DGKG: variants seen among roughly 807,000 people sequenced by gnomAD.
DGKG encodes the protein diacylglycerol kinase gamma.
DGKG carries 78 observed loss-of-function variants against 105.3 expected under a neutral mutation model. The observed-to-expected ratio is 0.74, with a 90% CI of 0.62 to 0.89. The LOEUF (loss-of-function observed/expected upper bound fraction) is 0.89, where lower values mean the gene tolerates loss of function less well. Among genes scored for constraint, DGKG ranks in the 40% least tolerant of loss-of-function variants. The pLI is 0.00. For missense variants in DGKG, 958 were observed against 1,020.1 expected, an observed-to-expected ratio of 0.94 and a Z score of 0.83; for synonymous variants, 346 against 367.1, an observed-to-expected ratio of 0.94 and a Z score of 0.66.
intron 1 of DGKG, among the ~76,000 whole-genome samples, chr3:186,327,954 T>G (rs774123088): frequency 6.6e-6 from 1 of 152,116 alleles, no homozygotes; most frequent in African/African-American, 2.4e-5. Context: ...TGGTAATAAC[T>G]CACCTCCCCA....
chr3:186,151,885 C>G (rs567797669), intron 24 of DGKG, among the ~76,000 whole-genome samples: 1 of 152,066 alleles, frequency 6.6e-6, no homozygotes, highest in Non-Finnish European at 1.5e-5. Flanking sequence ...TTGAGACCAG[C>G]CTGGCCAACA....
At chr3:186,304,700 T>C (rs1422385124) in intron 3 of DGKG, among the ~76,000 whole-genome samples, 1 of 152,214 alleles carries the variant, frequency 6.6e-6, no homozygotes, top group Non-Finnish European at 1.5e-5. Context: ...TGTTAGCCAC[T>C]TTGCAAAGAT....
At chr3:186,207,861 C>T (rs1195054035) in intron 21 of DGKG, among the ~76,000 whole-genome samples, 1 of 152,186 alleles carries the variant, frequency 6.6e-6, no homozygotes, top group African/African-American at 2.4e-5. Context: ...TAAGCAAGCG[C>T]CATATTGAAC....
chr3:186,253,219 A>G lies in DGKG; in HGVS notation c.1511-37T>C, dbSNP rs767603876. On this transcript the variant is annotated intron_variant, in intron 17 of 24. Transcript: ENST00000265022. ...ACAGAGGAACAGAGAACCATATGCC[A>G]TGGGACTGTAGAATGTTTGAGTTGT... The G allele has an allele frequency of 3.9e-6, 6 of 1,522,392 alleles. No homozygotes were observed. The East Asian group carries it at 1.3e-4, about 34-fold the overall frequency. 94.3% of individuals were successfully genotyped at this position (1,522,392 alleles called of 1,614,324 possible). A position where few individuals can be genotyped will look rare whatever the true frequency, so the allele number is the denominator to read the frequency against.
At chr3:186,225,750 G>A (rs746552385) in intron 20 of DGKG, among the ~76,000 whole-genome samples, 5 of 152,030 alleles carry the variant, frequency 3.3e-5, no homozygotes, top group South Asian at 2.1e-4. Context: ...CTCTGCATGC[G>A]TTTGGATTTG....
rs1481842081 is a variant in DGKG, at chr3:186,150,086, C to A, written c.*4G>T. 19 of 1,611,316 alleles carry A rather than the reference C, an allele frequency of 1.2e-5. No homozygotes were observed. The highest frequency in any genetic ancestry group is 1.4e-5 in the Non-Finnish European group (16 of 1,178,856). On this transcript the variant is annotated 3_prime_UTR_variant, in exon 25 of 25. Coordinates refer to ENST00000265022, the MANE Select transcript of DGKG (RefSeq NM_001346.3). ...CTTGGTTTAGCTGGTGTTTGGCACA[C>A]TGTTTAGTCTTTTGAACGGCTCTTC...
At chr3:186,229,417 G>A (rs1336863342) in intron 20 of DGKG, among the ~76,000 whole-genome samples, 1 of 151,956 alleles carries the variant, frequency 6.6e-6, no homozygotes, top group Non-Finnish European at 1.5e-5. Context: ...GCTAATTTTT[G>A]TGTTTTTAGT....
Position 186,320,726 on chromosome 3 carries a change from G to A in DGKG, c.-248-19C>T. On this transcript the variant is annotated intron_variant, in intron 1 of 24. Transcript: ENST00000265022. The stretch of plus-strand genomic sequence containing the variant: ...GCTCTTCCTAGATAGAAGCAGAAAA[G>A]ACATTGTAAATGAGAATGTTAAAAA... 1 of 396,128 alleles carries A rather than the reference G, an allele frequency of 2.5e-6. No homozygotes were observed. The highest frequency in any genetic ancestry group is 4.4e-6 in the Non-Finnish European group (1 of 225,816). 24.5% of individuals were successfully genotyped at this position (396,128 alleles called of 1,614,324 possible).
At chr3:186,192,848 C>T (rs181636000) in intron 21 of DGKG, among the ~76,000 whole-genome samples, 2 of 152,302 alleles carry the variant, frequency 1.3e-5, no homozygotes, top group East Asian at 3.8e-4. Context: ...TATATCTTGC[C>T]TCCGCACCAG....
At chr3:186,209,774 C>T (rs1300516283) in intron 21 of DGKG, among the ~76,000 whole-genome samples, 1 of 152,122 alleles carries the variant, frequency 6.6e-6, no homozygotes, top group African/African-American at 2.4e-5. Context: ...CTCTCTTAGT[C>T]CCCCTCTAGA....
intron 20 of DGKG, among the ~76,000 whole-genome samples, chr3:186,240,993 T>C (rs977707794): frequency 4.6e-5 from 7 of 152,104 alleles, no homozygotes; most frequent in Non-Finnish European, 8.8e-5. Context: ...CACGTGTTCC[T>C]AGTGTGCAGT....
intron 1 of DGKG, among the ~76,000 whole-genome samples, chr3:186,350,364 T>C (rs1030431079): frequency 6.6e-6 from 1 of 152,244 alleles, no homozygotes; most frequent in East Asian, 1.9e-4. Flanking sequence ...TGTGACTGGA[T>C]TATTTCATTT....
rs969375851 is a variant in DGKG, at chr3:186,231,989, G to C, written c.1826+10515C>G. 3.0e-4 allele frequency among the ~76,000 whole-genome samples: 46 copies of C among 152,152 alleles called. No individual in the cohort carries two copies. Among genetic ancestry groups the C allele is most frequent in the African/African-American group, 1.1e-3 (45 of 41,432 alleles). On this transcript the variant is annotated intron_variant, in intron 20 of 24. Coordinates refer to ENST00000265022, the MANE Select transcript of DGKG (RefSeq NM_001346.3). This position sits in a 1 kb window ranked among gnomAD's most constrained non-coding sequence, Gnocchi z 4.5. ...TCAGACAGCAACTCTTGCTATCTCT[G>C]GTGGTCAAATAAAACACAAACTGGT...
chr3:186,200,978 T>C (rs1001886250), intron 21 of DGKG, among the ~76,000 whole-genome samples: 3 of 151,696 alleles, frequency 2.0e-5, no homozygotes, highest in Non-Finnish European at 4.4e-5. Flanking sequence ...ATATTGCAGC[T>C]GGGGGTGGGG....
intron 1 of DGKG, among the ~76,000 whole-genome samples, chr3:186,323,448 G>A (rs1011501709): frequency 6.6e-6 from 1 of 152,118 alleles, no homozygotes; most frequent in African/African-American, 2.4e-5. Flanking sequence ...ATGAGGTTAG[G>A]TATTTAGTAA....
intron 21 of DGKG, among the ~76,000 whole-genome samples, chr3:186,194,640 C>T (rs937223648): frequency 6.6e-6 from 1 of 152,064 alleles, no homozygotes; most frequent in African/African-American, 2.4e-5. Flanking sequence ...TTTGTCTGCT[C>T]TCAGGAATGA....
intron 24 of DGKG, among the ~76,000 whole-genome samples, chr3:186,152,954 GC>G (rs1207905043): frequency 7.4e-6 from 1 of 134,898 alleles, no homozygotes; most frequent in Non-Finnish European, 1.6e-5. Context: ...CAGCTGCCGC[GC>G]CCGGCCTTTT....
At chr3:186,195,027 C>T (rs9867398) in intron 21 of DGKG, among the ~76,000 whole-genome samples, 14,854 of 152,028 alleles carry the variant, frequency 0.098, 769 homozygotes, top group East Asian at 0.18. Flanking sequence ...ATCGCTTGAA[C>T]CCGGGAGGCG....
intron 19 of DGKG, among the ~76,000 whole-genome samples, chr3:186,243,382 C>G (rs1221531935): frequency 6.6e-6 from 1 of 152,062 alleles, no homozygotes; most frequent in Non-Finnish European, 1.5e-5. Context: ...GGATGGCTGT[C>G]ATGCACTGTG....
Sources: allele counts gnomAD v4.1 joint callset (sites outside exome capture counted in the v4.1 genomes callset), GRCh38; gene constraint gnomAD v4.1.1; non-coding constraint Gnocchi (gnomAD v3.1); transcripts MANE v1.5; gene names NCBI Gene and HGNC (gene_info 2026-07-23, HGNC 2026-07-21).